TRIM29: variants seen among roughly 807,000 people sequenced by gnomAD.
The protein encoded by TRIM29 is tripartite motif-containing protein 29.
A neutral mutation model predicts 57.3 loss-of-function variants in TRIM29; 52 were observed. That is an observed-to-expected ratio of 0.91 (90% confidence interval 0.73 to 1.14). The LOEUF (loss-of-function observed/expected upper bound fraction) is 1.14, where lower values mean the gene tolerates loss of function less well. TRIM29 is among the 50% of genes most tolerant of loss of function. TRIM29 has a pLI of 0.00. For missense variants in TRIM29, 753 were observed against 774.6 expected, an observed-to-expected ratio of 0.97 and a Z score of 0.33; for synonymous variants, 319 against 316.9, an observed-to-expected ratio of 1.01 and a Z score of -0.07.
rs755571014 is a variant in TRIM29, at chr11:120,123,206, C to T, written c.1334-151G>A. 105 of 718,294 alleles carry T rather than the reference C, an allele frequency of 1.5e-4. No individual in the cohort carries two copies. In the East Asian group the frequency reaches 2.1e-3, roughly 15 times the overall value. 44.5% of individuals were successfully genotyped at this position (718,294 alleles called of 1,614,324 possible). ...TTCCCCAACCTCTCAGAGAATATGA[C>T]GCCCTGCCCAGCATTCACTCGGTTC... is the stretch of plus-strand genomic sequence containing the variant. On this transcript the variant is annotated intron_variant, in intron 4 of 8. Transcript: ENST00000341846.
Position 120,137,867 on chromosome 11 carries a change from G to A in TRIM29, c.165C>T (p.Ser55=). 1 of 1,611,522 alleles carries A rather than the reference G, an allele frequency of 6.2e-7. No homozygotes were observed. Residue 55 remains serine (S), a synonymous_variant, in exon 1 of 9, where the codon AGC becomes AGT. Transcript: ENST00000341846. The surrounding 1 kb of genome is among the most constrained non-coding windows in gnomAD (Gnocchi z 6.2). ...GHGGEAAEGK[S]LGSALKPGEG... is the part of the protein sequence containing the mutation. Reference sequence around the variant, plus strand: ...CCCCTGGCTTCAGGGCGCTGCCCAGGCTCTTGCCCTCAGCTGCCTCCCCGC... The same window carrying A: ...CCCCTGGCTTCAGGGCGCTGCCCAGACTCTTGCCCTCAGCTGCCTCCCCGC...
intron 2 of TRIM29, 43 bp downstream of exon 2, chr11:120,128,357 G>T: frequency 6.3e-7 from 1 of 1,586,246 alleles, no homozygotes. Flanking sequence ...AGGCAGGCCA[G>T]GTCGGGTAAG....
Position 120,137,832 on chromosome 11 carries a change from C to G in TRIM29, c.200G>C (p.Ser67Thr), listed in dbSNP as rs1156820633. 2 of 1,612,428 alleles carry G rather than the reference C, an allele frequency of 1.2e-6. No homozygotes were observed. Among genetic ancestry groups the G allele is most frequent in the African/African-American group, 2.7e-5 (2 of 74,944 alleles). Reference sequence around the variant, plus strand: ...CCACTCATTGCCCGCGAACAGGGCGCTCCTACCTTCCCCTGGCTTCAGGGC... The same window carrying G: ...CCACTCATTGCCCGCGAACAGGGCGGTCCTACCTTCCCCTGGCTTCAGGGC... ...GSALKPGEGR[S>T]ALFAGNEWRR... The change falls in exon 1 of 9, where the codon AGC becomes ACC. Residue 67 changes from serine to threonine, a missense_variant. Ser to Thr is a moderately conservative substitution (Grantham distance 58, BLOSUM62 1). Coordinates refer to ENST00000341846, the MANE Select transcript of TRIM29 (RefSeq NM_012101.4). The surrounding 1 kb of genome is among the most constrained non-coding windows in gnomAD (Gnocchi z 6.2).
In TRIM29 at chr11:120,122,959, G is replaced by C. The variant is rs754954497; in HGVS notation, c.1430C>G (p.Pro477Arg). ...TMKRYSMYLT[P>R]KGGVRTSYQP... The stretch of plus-strand genomic sequence containing the variant: ...GGTGAGGGGCTCCCTCTTACCTTTG[G>C]GTGTCAGGTACATGGAGTATCTCTT... The change falls in exon 5 of 9, where the codon CCC becomes CGC. Residue 477 changes from proline (P) to arginine (R), a missense_variant. By Grantham distance (103) the Pro-to-Arg change is moderately radical. Transcript: ENST00000341846. 4.3e-5 allele frequency: 70 copies of C among 1,613,620 alleles called. 1 individual carries two copies. Among genetic ancestry groups the C allele is most frequent in the Non-Finnish European group, 5.8e-5 (68 of 1,179,728 alleles).
At chr11:120,130,510 T>C (rs1863696842) in intron 1 of TRIM29, among the ~76,000 whole-genome samples, 1 of 152,192 alleles carries the variant, frequency 6.6e-6, no homozygotes, top group Non-Finnish European at 1.5e-5. Flanking sequence ...AATGGTGGGC[T>C]CAGAGGGGGC....
chr11:120,125,963 C>G (rs1485688633), intron 3 of TRIM29, 74 bp from the exon 4 acceptor site: 1 of 1,477,476 alleles, frequency 6.8e-7, no homozygotes, highest in Non-Finnish European at 9.3e-7. Context: ...GCCAGGGGCT[C>G]TCACAGTGCA....
intron 8 of TRIM29, chr11:120,113,514 T>G: frequency 2.4e-6 from 1 of 412,812 alleles, no homozygotes; most frequent in Non-Finnish European, 4.9e-6. Context: ...ACAGGAGACA[T>G]CATTTGCCCC....
chr11:120,137,129 G>T lies in TRIM29; in HGVS notation c.804+99C>A, dbSNP rs1330395765. 3.0e-6 allele frequency: 4 copies of T among 1,331,454 alleles called. No individual in the cohort carries two copies. Among genetic ancestry groups the T allele is most frequent in the Non-Finnish European group, 4.1e-6 (4 of 964,706 alleles). The allele number at this position is 1,331,454 out of a possible 1,614,324, so 82.5% of individuals were successfully genotyped here. A position where few individuals can be genotyped will look rare whatever the true frequency, so the allele number is the denominator to read the frequency against. On this transcript the variant is annotated intron_variant, in intron 1 of 8. Transcript: ENST00000341846. This position sits in a 1 kb window ranked among gnomAD's most constrained non-coding sequence, Gnocchi z 6.2. ...AGAGCCAAGGACAGTAGAAACTTAA[G>T]CCCCAAACCCGAGGAAGCCCGAGTG...
rs367966774 is a variant in TRIM29, at chr11:120,122,994, C to T, written c.1395G>A (p.Pro465=). 2.9e-5 allele frequency: 47 copies of T among 1,614,012 alleles called. 1 individual carries two copies. In the South Asian group the frequency reaches 3.3e-4, roughly 11 times the overall value. Residue 465 remains proline, a synonymous_variant, in exon 5 of 9, where the codon CCG becomes CCA. Transcript: ENST00000341846. ...TNSFGGEWSA[P]DTMKRYSMYL... ...ACATGGAGTATCTCTTCATGGTGTCCGGTGCACTCCACTCACCCCCGAAGC... is the reference window on the plus strand; with the variant it reads ...ACATGGAGTATCTCTTCATGGTGTCTGGTGCACTCCACTCACCCCCGAAGC...
intron 2 of TRIM29, among the ~76,000 whole-genome samples, 179 bp downstream of exon 2, chr11:120,128,221 G>T (rs895963629): frequency 6.6e-6 from 1 of 152,186 alleles, no homozygotes; most frequent in African/African-American, 2.4e-5. Flanking sequence ...CCACCTGAGT[G>T]CCTGGCTCAG....
intron 1 of TRIM29, among the ~76,000 whole-genome samples, chr11:120,129,339 G>C (rs1863671067): frequency 6.6e-6 from 1 of 152,148 alleles, no homozygotes; most frequent in African/African-American, 2.4e-5. Flanking sequence ...ATCCCATCCA[G>C]CCAAGCCTCT....
At position 120,137,082 on chromosome 11, in the gene TRIM29, G is replaced by C. The variant is rs1310888742; in HGVS notation, c.804+146C>G. ...GGATTAGGGGGGACAGGGGGCATGA[G>C]GGGAAATAAATGTTTTCTAAAAGAG... is the stretch of plus-strand genomic sequence containing the variant. On this transcript the variant is annotated intron_variant, in intron 1 of 8. Coordinates refer to ENST00000341846, the MANE Select transcript of TRIM29 (RefSeq NM_012101.4). The surrounding 1 kb of genome is among the most constrained non-coding windows in gnomAD (Gnocchi z 6.2). 2.3e-6 allele frequency: 2 copies of C among 877,556 alleles called. No individual in the cohort carries two copies. The highest frequency in any genetic ancestry group is 3.4e-6 in the Non-Finnish European group (2 of 587,338). 54.4% of individuals were successfully genotyped at this position (877,556 alleles called of 1,614,324 possible).
At chr11:120,122,746 C>T (rs1468099734) in intron 5 of TRIM29, among the ~76,000 whole-genome samples, 1 of 152,178 alleles carries the variant, frequency 6.6e-6, no homozygotes, top group Non-Finnish European at 1.5e-5. Context: ...GGTAACTTCT[C>T]ATTCGAACCA....
At chr11:120,123,846 A>G (rs968932122) in intron 4 of TRIM29, 5 of 270,308 alleles carry the variant, frequency 1.8e-5, no homozygotes, top group Non-Finnish European at 2.9e-5. Context: ...CAAAGAATAA[A>G]CAAATGCCCT....
chr11:120,118,406 T>A (rs1043941116), intron 6 of TRIM29, 85 bp from the exon 7 acceptor site: 3 of 1,028,498 alleles, frequency 2.9e-6, no homozygotes, highest in African/African-American at 1.6e-5. Flanking sequence ...GGTCTATGAC[T>A]CTCTAGCCGC....
chr11:120,130,774 C>T (rs563889933), intron 1 of TRIM29, among the ~76,000 whole-genome samples: 18 of 152,322 alleles, frequency 1.2e-4, no homozygotes, highest in Admixed American at 8.5e-4. Context: ...CTTTCACTCA[C>T]ACCATGCTCG....
At chr11:120,131,807 G>T (rs907252764) in intron 1 of TRIM29, among the ~76,000 whole-genome samples, 6 of 150,770 alleles carry the variant, frequency 4.0e-5, no homozygotes, top group African/African-American at 1.5e-4. Flanking sequence ...ACATGGGAAG[G>T]TTTAAAAGTC....
At chr11:120,125,581 G>T in intron 4 of TRIM29, 110 bp downstream of exon 4, 1 of 1,183,698 alleles carries the variant, frequency 8.4e-7, no homozygotes, top group Non-Finnish European at 1.2e-6. Context: ...GTGGGTGGGT[G>T]GGAACAATGA....
rs1329959856 is a variant in TRIM29 at position 120,122,989 on chromosome 11, G to A, written c.1400C>T (p.Thr467Ile). The A allele has an allele frequency of 6.2e-7, 1 of 1,614,094 alleles. No individual in the cohort carries two copies. Residue 467 changes from threonine to isoleucine, a missense_variant, in exon 5 of 9, where the codon ACC (threonine) becomes ATC (isoleucine). By Grantham distance (89) the Thr-to-Ile change is moderately conservative (BLOSUM62 -1). Transcript: ENST00000341846. ...CAGGTACATGGAGTATCTCTTCATG[G>A]TGTCCGGTGCACTCCACTCACCCCC... ...SFGGEWSAPDTMKRYSMYLTP... is the reference protein window; with the variant it reads ...SFGGEWSAPDIMKRYSMYLTP...
Sources: allele counts gnomAD v4.1 joint callset (sites outside exome capture counted in the v4.1 genomes callset), GRCh38; gene constraint gnomAD v4.1.1; non-coding constraint Gnocchi (gnomAD v3.1); transcripts MANE v1.5; gene names NCBI Gene and HGNC (gene_info 2026-07-23, HGNC 2026-07-21).